The following HEXA variants were observed in gnomAD, a reference collection of about 807,000 sequenced individuals.
The protein encoded by HEXA is beta-hexosaminidase subunit alpha.
HEXA carries 54 observed loss-of-function variants against 73.3 expected under a neutral mutation model. That is an observed-to-expected ratio of 0.74 (90% CI 0.59 to 0.92). The LOEUF (loss-of-function observed/expected upper bound fraction) is 0.92. Among genes scored for constraint, HEXA ranks in the 40% least tolerant of loss-of-function variants. The pLI is 0.00. For missense variants in HEXA, 649 were observed against 653.0 expected (o/e 0.99, Z 0.07); for synonymous variants, 230 against 246.9 (o/e 0.93, Z 0.64).
chr15:72,355,266 C>T, intron 3 of HEXA: 2 of 431,646 alleles, frequency 4.6e-6, no homozygotes, highest in Non-Finnish European at 8.7e-6. Context: ...TGGCACACAC[C>T]TGTAATCCCA....
rs1208525485 is a variant in HEXA, at chr15:72,375,803, C to G, written c.170G>C (p.Gly57Ala). ...GAAGGCCTCGTCGAGGACTGAGCAG[C>G]CGGGCTGCGCGGCCGAGCTGACATC... ...QYDVSSAAQPGCSVLDEAFQR... is the reference protein window; with the variant it reads ...QYDVSSAAQPACSVLDEAFQR... The change falls in exon 1 of 14, where the codon GGC (glycine) becomes GCC (alanine). Residue 57 changes from glycine (G) to alanine (A), a missense_variant. Physicochemically the swap from Gly to Ala is moderately conservative, Grantham distance 60 (BLOSUM62 0). Transcript: ENST00000268097. 1 of 1,614,258 alleles carries G rather than the reference C, an allele frequency of 6.2e-7. No homozygotes were observed. The highest frequency in any genetic ancestry group is 1.7e-5 in the Admixed American group (1 of 60,030).
Position 72,375,907 on chromosome 15 carries a change from G to A in HEXA, c.66C>T (p.Ala22=), listed in dbSNP as rs990896217. The change falls in exon 1 of 14, where the codon GCC becomes GCT. Residue 22 remains alanine (A), a synonymous_variant. Coordinates refer to ENST00000268097, the MANE Select transcript of HEXA (RefSeq NM_000520.6). ...LAAAFAGRAT[A]LWPWPQNFQT... is the part of the protein sequence containing the mutation. The stretch of plus-strand genomic sequence containing the variant: ...GGAAGTTCTGAGGCCAGGGCCAGAG[G>A]GCCGTCGCCCGTCCTGCGAACGCTG... 6.2e-7 allele frequency: 1 copy of A among 1,614,202 alleles called. No individual in the cohort carries two copies. Among genetic ancestry groups the A allele is most frequent in the Non-Finnish European group, 8.5e-7 (1 of 1,180,036 alleles).
At chr15:72,347,811 A>G in intron 9 of HEXA, 53 bp from the exon 10 acceptor site, 1 of 1,541,820 alleles carries the variant, frequency 6.5e-7, no homozygotes. Flanking sequence ...GATGGGTTCT[A>G]GACTGTTTGT....
At chr15:72,369,252 T>G (rs1391254560) in intron 1 of HEXA, among the ~76,000 whole-genome samples, 1 of 152,140 alleles carries the variant, frequency 6.6e-6, no homozygotes, top group Admixed American at 6.5e-5. Flanking sequence ...CAGAAGAAAA[T>G]ATAATCCATT....
chr15:72,344,341 A>C (rs1039154699), intron 13 of HEXA, among the ~76,000 whole-genome samples: 3 of 152,166 alleles, frequency 2.0e-5, no homozygotes, highest in Admixed American at 6.5e-5. Context: ...CTGCAAGCTG[A>C]ACAGGTGCCT....
Position 72,348,914 on chromosome 15 carries a change from T to C in HEXA, c.986+165A>G, listed in dbSNP as rs1315380911. 2.0e-5 allele frequency among the ~76,000 whole-genome samples: 3 copies of C among 152,156 alleles called. No homozygotes were observed. In the South Asian group the frequency reaches 6.2e-4, roughly 32 times the overall value. ...CAGTGAAAGCCTTGCCAAAATCAGGTAGGATCTCTACGTAGATGGGCAGAG... is the reference window on the plus strand; with the variant it reads ...CAGTGAAAGCCTTGCCAAAATCAGGCAGGATCTCTACGTAGATGGGCAGAG... On this transcript the variant is annotated intron_variant, in intron 8 of 13. Transcript: ENST00000268097.
chr15:72,371,197 C>T (rs1003211111), intron 1 of HEXA, among the ~76,000 whole-genome samples: 1 of 151,220 alleles, frequency 6.6e-6, no homozygotes, highest in African/African-American at 2.4e-5. Context: ...GAGTTAAGAG[C>T]AGCACGAGTT....
At position 72,343,456 on chromosome 15, in the gene HEXA, A is replaced by G. The variant is rs1223441758; in HGVS notation, c.*621T>C. The G allele has an allele frequency of 6.5e-6, 1 of 153,778 alleles. No homozygotes were observed. The highest frequency in any genetic ancestry group is 2.4e-5 in the African/African-American group (1 of 41,408). 9.5% of individuals were successfully genotyped at this position (153,778 alleles called of 1,614,324 possible). ...AGTGCCTAGAGAACAATATGTGTTT[A>G]ATAATATTTAAATAATGGTTGTATA... On this transcript the variant is annotated 3_prime_UTR_variant, in exon 14 of 14. Transcript: ENST00000268097.
chr15:72,356,915 A>G, intron 1 of HEXA: 1 of 476,848 alleles, frequency 2.1e-6, no homozygotes, highest in South Asian at 2.0e-5. Context: ...AAACAACTCC[A>G]TGACCTCAAC....
chr15:72,351,224 G>T lies in HEXA; in HGVS notation c.581C>A (p.Ala194Glu), dbSNP rs778947516. The change falls in exon 6 of 14, where the codon GCG becomes GAG. Residue 194 changes from alanine to glutamate, a missense_variant. Coordinates refer to ENST00000268097, the MANE Select transcript of HEXA (RefSeq NM_000520.6). Reference protein sequence around the residue: ...SSILDTLDVMAYNKLNVFHWH... With the variant: ...SSILDTLDVMEYNKLNVFHWH... ...GTGGAACACGTTCAATTTATTGTAC[G>T]CCATGACATCCTGTAGGTTAAAGTG... The T allele has an allele frequency of 1.9e-6, 3 of 1,605,434 alleles. No individual in the cohort carries two copies. Among genetic ancestry groups the T allele is most frequent in the Non-Finnish European group, 8.5e-7 (1 of 1,172,230 alleles).
At chr15:72,345,149 T>C (rs1221337803) in intron 13 of HEXA, 1 of 424,400 alleles carries the variant, frequency 2.4e-6, no homozygotes, top group Non-Finnish European at 4.3e-6. Context: ...AGTATTTGCA[T>C]ATAACCAATG....
chr15:72,344,041 T>C lies in HEXA; in HGVS notation c.*36A>G. 6.3e-7 allele frequency: 1 copy of C among 1,578,466 alleles called. No homozygotes were observed. The highest frequency in any genetic ancestry group is 8.7e-7 in the Non-Finnish European group (1 of 1,147,986). ...AGTGGAAGCCTGGCTCCACTACCAT[T>C]CACCTACAGCCAGCACCCTCCTCGG... is the stretch of plus-strand genomic sequence containing the variant. On this transcript the variant is annotated 3_prime_UTR_variant, in exon 14 of 14. Transcript: ENST00000268097.
At chr15:72,349,335 G>T in intron 7 of HEXA, 76 bp from the exon 8 acceptor site, 1 of 1,165,598 alleles carries the variant, frequency 8.6e-7, no homozygotes, top group Non-Finnish European at 1.3e-6. Context: ...GTAAGGACAC[G>T]AGTCACACAA....
intron 1 of HEXA, among the ~76,000 whole-genome samples, chr15:72,371,605 A>AAAAAAAAAG (rs1567306499): frequency 6.1e-5 from 9 of 148,288 alleles, no homozygotes; most frequent in Non-Finnish European, 5.9e-5. Context: ...AAAAAAAAAA[A>AAAAAAAAAG]AAAAAAAAGA....
chr15:72,349,022 T>C, intron 8 of HEXA, 57 bp downstream of exon 8: 1 of 1,473,030 alleles, frequency 6.8e-7, no homozygotes, highest in Non-Finnish European at 9.5e-7. Context: ...GGGTGCTAAC[T>C]TCTATTCTGA....
chr15:72,372,950 T>C (rs772676240), intron 1 of HEXA, among the ~76,000 whole-genome samples: 1 of 152,114 alleles, frequency 6.6e-6, no homozygotes, highest in Non-Finnish European at 1.5e-5. Flanking sequence ...TTGGGCAACA[T>C]GGCGAAACCC....
chr15:72,349,942 T>C (rs1045811202), intron 7 of HEXA, among the ~76,000 whole-genome samples: 1 of 152,088 alleles, frequency 6.6e-6, no homozygotes, highest in Non-Finnish European at 1.5e-5. Context: ...TTTTGTATTT[T>C]TAGTAGAGAT....
In HEXA at chr15:72,346,621, G is replaced by A. The variant is rs2088618191; in HGVS notation, c.1236C>T (p.Phe412=). Reference sequence around the variant, plus strand: ...ACCAGGGGGCAGAGAGAAGGGCCCGGAAGCCGGCCTTGGTGACCAGTTCCA... The same window carrying A: ...ACCAGGGGGCAGAGAGAAGGGCCCGAAAGCCGGCCTTGGTGACCAGTTCCA... ...KELELVTKAG[F]RALLSAPWYL... The change falls in exon 11 of 14, where the codon TTC becomes TTT. Residue 412 remains phenylalanine, a synonymous_variant. Transcript: ENST00000268097. The A allele has an allele frequency of 6.2e-7, 1 of 1,614,004 alleles. No individual in the cohort carries two copies. Among genetic ancestry groups the A allele is most frequent in the South Asian group, 1.1e-5 (1 of 91,084 alleles).
At chr15:72,366,499 C>T (rs1018251458) in intron 1 of HEXA, among the ~76,000 whole-genome samples, 6 of 151,930 alleles carry the variant, frequency 3.9e-5, no homozygotes, top group African/African-American at 1.2e-4. Context: ...ACAAATTAGA[C>T]GGGGTTTCAC....
Sources: gnomAD v4.1 joint callset for allele counts (sites outside exome capture counted in the v4.1 genomes callset) on GRCh38, gnomAD v4.1.1 for gene constraint, MANE v1.5 for transcripts, NCBI Gene and HGNC (gene_info 2026-07-23, HGNC 2026-07-21) for gene names.